Variants in PABPC4 observed in about 807,000 individuals in gnomAD.
PABPC4 encodes the protein polyadenylate-binding protein 4.
Under a neutral mutation model 74.5 loss-of-function variants are expected in PABPC4, and 15 were observed. The ratio of observed to expected loss-of-function variants is 0.20; its 90% CI spans 0.13 to 0.31. The LOEUF (loss-of-function observed/expected upper bound fraction) is 0.31, where lower values mean the gene tolerates loss of function less well. Ranked by LOEUF, PABPC4 falls within the 10% of genes least tolerant of loss-of-function variation. The pLI is 1.00. For missense variants in PABPC4, 610 were observed against 853.5 expected, an observed-to-expected ratio of 0.71 and a Z score of 3.55; for synonymous variants, 345 against 303.0, an observed-to-expected ratio of 1.14 and a Z score of -1.44.
chr1:39,564,891 C>A, intron 8 of PABPC4, 118 bp from the exon 9 acceptor site: 2 of 942,800 alleles, frequency 2.1e-6, no homozygotes, highest in Non-Finnish European at 1.6e-6. Flanking sequence ...TCTTTCTATT[C>A]AAGAGCTGAG....
intron 1 of PABPC4, among the ~76,000 whole-genome samples, chr1:39,574,662 G>T (rs182707772): frequency 6.6e-6 from 1 of 152,334 alleles, no homozygotes; most frequent in Admixed American, 6.5e-5. Flanking sequence ...CAATTCTCTG[G>T]TCTCAGCCGC....
Position 39,561,540 on chromosome 1 carries a change from T to A in PABPC4, c.*13+145A>T. 3 of 634,408 alleles carry A rather than the reference T, an allele frequency of 4.7e-6. No individual in the cohort carries two copies. In the South Asian group the frequency reaches 5.9e-5, roughly 12 times the overall value. The allele number at this position is 634,408 out of a possible 1,614,324, so 39.3% of individuals were successfully genotyped here. A position where few individuals can be genotyped will look rare whatever the true frequency, so the allele number is the denominator to read the frequency against. On this transcript the variant is annotated intron_variant, in intron 15 of 15. Transcript: ENST00000372858. Reference sequence around the variant, plus strand: ...ACAGTCCTCATGATAAGAAGTCACCTGCAACACACTCCGTGTAACTAACTG... The same window carrying A: ...ACAGTCCTCATGATAAGAAGTCACCAGCAACACACTCCGTGTAACTAACTG...
chr1:39,564,984 A>T, intron 8 of PABPC4, 122 bp downstream of exon 8: 1 of 1,122,986 alleles, frequency 8.9e-7, no homozygotes, highest in Non-Finnish European at 1.3e-6. Context: ...CTTCATTTTT[A>T]CTTGAAGGGT....
chr1:39,566,991 G>C (rs1037481615), intron 7 of PABPC4, among the ~76,000 whole-genome samples: 4 of 133,942 alleles, frequency 3.0e-5, no homozygotes, highest in African/African-American at 1.0e-4. Context: ...AGCCCACGTG[G>C]CTTCCCTTCT....
chr1:39,571,099 G>T, intron 3 of PABPC4, 135 bp downstream of exon 3: 1 of 1,548,344 alleles, frequency 6.5e-7, no homozygotes. Context: ...AGACTCACCA[G>T]CCCTGGAGTG....
At chr1:39,572,709 TA>T (rs1645960000) in intron 1 of PABPC4, 123 bp from the exon 2 acceptor site, 1 of 673,756 alleles carries the variant, frequency 1.5e-6, no homozygotes. Flanking sequence ...GCAACTCTAT[TA>T]AAATAAAAGG....
At chr1:39,562,651 C>A in intron 12 of PABPC4, 1 of 437,770 alleles carries the variant, frequency 2.3e-6, no homozygotes, top group Non-Finnish European at 4.0e-6. Flanking sequence ...TATCAGAAAG[C>A]GAAGTGAAAC....
intron 15 of PABPC4, chr1:39,561,381 C>T (rs565662283): frequency 1.3e-4 from 49 of 365,798 alleles, no homozygotes; most frequent in Non-Finnish European, 2.4e-4. Flanking sequence ...CCTCCCAACA[C>T]ACCAGCTCTG....
At chr1:39,567,293 C>T in intron 7 of PABPC4, 1 of 447,934 alleles carries the variant, frequency 2.2e-6, no homozygotes, top group Non-Finnish European at 4.4e-6. Flanking sequence ...TTCCACTCCC[C>T]TTTCCTCTCT....
intron 15 of PABPC4, 26 bp from the exon 16 acceptor site, chr1:39,561,148 T>C (rs781553444): frequency 2.1e-6 from 1 of 470,622 alleles, no homozygotes; most frequent in South Asian, 1.5e-5. Context: ...CCAACACAAA[T>C]AAATGCATAA....
At chr1:39,565,039 C>G (rs1315671433) in intron 8 of PABPC4, 67 bp downstream of exon 8, 1 of 1,547,244 alleles carries the variant, frequency 6.5e-7, no homozygotes, top group East Asian at 2.3e-5. Flanking sequence ...AAATCCCTCT[C>G]CCCAACCACT....
rs201169120 is a variant in PABPC4, at chr1:39,575,886, G to A, written c.66C>T (p.Val22=). Residue 22 remains valine (V), a synonymous_variant, in exon 1 of 16, where the codon GTC becomes GTT. Coordinates refer to ENST00000372858, the MANE Select transcript of PABPC4 (RefSeq NM_001135653.2). The stretch of plus-strand genomic sequence containing the variant: ...ACTTTTCGTACAGCATGGCCTCGGT[G>A]ACGTCCGAATGCAGGTCGCCCACGT... ...SLYVGDLHSD[V]TEAMLYEKFS... 3.1e-6 allele frequency: 5 copies of A among 1,612,108 alleles called. No individual in the cohort carries two copies. The highest frequency in any genetic ancestry group is 1.7e-5 in the Admixed American group (1 of 59,970).
In PABPC4 at chr1:39,563,901, A is replaced by G; in HGVS notation, c.1475T>C (p.Leu492Ser). 1.9e-6 allele frequency: 3 copies of G among 1,614,188 alleles called. No individual in the cohort carries two copies. The highest frequency in any genetic ancestry group is 1.1e-5 in the South Asian group (1 of 91,082). ...ACCAGCCCCACCAAAGTCCATAGCC[A>G]AGCGGTCCGGGCACTCAGACCCTAC... ...QRVGSECPDR[L>S]AMDFGGAGAA... is the part of the protein sequence containing the mutation. Residue 492 changes from leucine to serine, a missense_variant, in exon 11 of 16, where the codon TTG becomes TCG. Leu to Ser is a moderately radical substitution (Grantham distance 145, BLOSUM62 -2). This residue lies in a region of PABPC4 where 277 missense variants were observed against 301.8 expected (regional missense o/e 0.92). Coordinates refer to ENST00000372858, the MANE Select transcript of PABPC4 (RefSeq NM_001135653.2).
rs72663531 is a variant in PABPC4 at position 39,564,376 on chromosome 1, T to G, written c.1453+47A>C. The G allele has an allele frequency of 8.9e-3, 14,269 of 1,602,570 alleles. 86 individuals carry two copies. Among genetic ancestry groups the G allele is most frequent in the Non-Finnish European group, 0.01 (12,277 of 1,173,838 alleles). On this transcript the variant is annotated intron_variant, in intron 10 of 15. Transcript: ENST00000372858. ...AACCCAGGACAGAGCCTAGTCATCCTGACTCCCTCCTCCCCAGGCCACACT... is the reference window on the plus strand; with the variant it reads ...AACCCAGGACAGAGCCTAGTCATCCGGACTCCCTCCTCCCCAGGCCACACT...
chr1:39,564,136 C>A, intron 10 of PABPC4: 1 of 613,648 alleles, frequency 1.6e-6, no homozygotes, highest in Non-Finnish European at 2.8e-6. Flanking sequence ...GTATTCCTCA[C>A]CCCACCCAAA....
rs751104610 is a variant in PABPC4, at chr1:39,562,081, G to A, written c.1885C>T (p.Arg629Cys). 26 of 1,612,696 alleles carry A rather than the reference G, an allele frequency of 1.6e-5. No individual in the cohort carries two copies. Among genetic ancestry groups the A allele is most frequent in the Non-Finnish European group, 2.0e-5 (24 of 1,179,938 alleles). ...LHMLESPESL[R>C]SKVDEAVAVL... ...TCTGAGCCCCAGCTCACCTTGGAGC[G>A]GAGAGACTCGGGGGACTCTAACATG... is the stretch of plus-strand genomic sequence containing the variant. The change falls in exon 14 of 16, where the codon CGC becomes TGC. Residue 629 changes from arginine (R) to cysteine (C), a missense_variant. Physicochemically the swap from Arg to Cys is radical, Grantham distance 180 (BLOSUM62 -3). Coordinates refer to ENST00000372858, the MANE Select transcript of PABPC4 (RefSeq NM_001135653.2).
In PABPC4 at chr1:39,560,908, TAAAA is replaced by T. The variant is rs371224011; in HGVS notation, c.*224_*227del. ...TGGGGGAAAAAATCAAAACCCACAA[TAAAA>T]AAAAAGTTAACACTGTCTGGGCCAC... On this transcript the variant is annotated 3_prime_UTR_variant, in exon 16 of 16. Transcript: ENST00000372858. The T allele has an allele frequency of 8.9e-4, 173 of 194,682 alleles. No individual in the cohort carries two copies. In the East Asian group the frequency reaches 0.018, roughly 20 times the overall value. The allele number at this position is 194,682 out of a possible 1,614,324, so 12.1% of individuals were successfully genotyped here. A position where few individuals can be genotyped will look rare whatever the true frequency, so the allele number is the denominator to read the frequency against.
Position 39,568,831 on chromosome 1 carries a change from ACTGTTCAAATTTCCGTTTTAACT to A in PABPC4, c.824_846del (p.Glu275ValfsTer7), listed in dbSNP as rs1302587080. ...TATCGACTAATTCTCTCCTGTTTCA[ACTGTTCAAATTTCCGTTTTAACT>A]CTGCCTGCCGTTCTACTTTCTTTTG... is the stretch of plus-strand genomic sequence containing the variant. On this transcript the variant is annotated frameshift_variant, in exon 6 of 16. Transcript: ENST00000372858. LOFTEE classifies it high-confidence loss of function. The A allele has an allele frequency of 6.2e-7, 1 of 1,614,024 alleles. No homozygotes were observed. Among genetic ancestry groups the A allele is most frequent in the Non-Finnish European group, 8.5e-7 (1 of 1,180,000 alleles).
In PABPC4 at chr1:39,576,250, GAAAAA is replaced by G. The variant is rs1025804579; in HGVS notation, c.-304_-300del. 6.3e-6 allele frequency: 2 copies of G among 319,606 alleles called. No homozygotes were observed. Among genetic ancestry groups the G allele is most frequent in the African/African-American group, 4.3e-5 (2 of 46,712 alleles). The allele number at this position is 319,606 out of a possible 1,614,324, so 19.8% of individuals were successfully genotyped here. On this transcript the variant is annotated 5_prime_UTR_variant, in exon 1 of 16. Transcript: ENST00000372858. ...TCCAAATTTCAAAAAATCAAAGTAG[GAAAAA>G]AATTAAACGGGGAATCCCCTTCCGA...
Sources: gnomAD v4.1 joint callset for allele counts (sites outside exome capture counted in the v4.1 genomes callset) on GRCh38, gnomAD v4.1.1 for gene constraint, gnomAD v4.1.1 regional missense constraint, MANE v1.5 for transcripts, NCBI Gene and HGNC (gene_info 2026-07-23, HGNC 2026-07-21) for gene names.